Variants in LMF1 observed in about 807,000 individuals in gnomAD.
LMF1 encodes lipase maturation factor 1, also known as transmembrane protein 112.
In LMF1, 68 loss-of-function variants were observed where a neutral mutation model predicts 60.6. The observed-to-expected ratio is 1.12, with a 90% CI of 0.92 to 1.37. The LOEUF (loss-of-function observed/expected upper bound fraction) is 1.37. LMF1 is among the 40% of genes most tolerant of loss of function. LMF1 has a pLI of 0.00. For synonymous variants in LMF1, 418 were observed against 324.7 expected (o/e 1.29, Z -3.09); for missense variants, 948 against 767.2 (o/e 1.24, Z -2.78).
intron 3 of LMF1, among the ~76,000 whole-genome samples, chr16:922,105 G>A (rs145944927): frequency 2.2e-3 from 329 of 152,144 alleles, no homozygotes; most frequent in Non-Finnish European, 3.8e-3. Flanking sequence ...CAGCCAACAC[G>A]GGACAGAGGC....
At chr16:955,608 A>G (rs1244651807) in intron 1 of LMF1, among the ~76,000 whole-genome samples, 1 of 152,194 alleles carries the variant, frequency 6.6e-6, no homozygotes, top group Non-Finnish European at 1.5e-5. Context: ...CAGCAGACGC[A>G]GTGTGTGCAT....
chr16:912,227 C>T (rs1326673902), intron 3 of LMF1, among the ~76,000 whole-genome samples: 1 of 151,694 alleles, frequency 6.6e-6, no homozygotes, highest in Admixed American at 6.6e-5. Flanking sequence ...GACAGAGACT[C>T]GCAGGGGCAG....
intron 3 of LMF1, among the ~76,000 whole-genome samples, chr16:921,646 G>T (rs895529960): frequency 5.3e-5 from 8 of 152,340 alleles, no homozygotes; most frequent in Admixed American, 4.6e-4. Context: ...TTTATGGAGG[G>T]AAAGACGCAG....
intron 7 of LMF1, 76 bp downstream of exon 7, chr16:871,085 C>A: frequency 1.4e-6 from 2 of 1,460,166 alleles, no homozygotes; most frequent in Non-Finnish European, 1.8e-6. Context: ...CCCCAACCCA[C>A]ACGGGCAGGC....
chr16:914,438 G>A lies in LMF1; in HGVS notation c.515-3359C>T, dbSNP rs561152673. On this transcript the variant is annotated intron_variant, in intron 3 of 10. Transcript: ENST00000262301. ...TAGGGTCCACGAGAGAACGCACACC[G>A]CTGTGGGCCCTGAGCCCCGTGATCG... Among the ~76,000 whole-genome samples, 350 of 151,346 alleles carry A rather than the reference G, an allele frequency of 2.3e-3. 1 individual carries two copies. Among genetic ancestry groups the A allele is most frequent in the African/African-American group, 8.1e-3 (332 of 41,182 alleles).
intron 2 of LMF1, among the ~76,000 whole-genome samples, chr16:942,696 T>G (rs564573229): frequency 6.4e-5 from 9 of 140,604 alleles, no homozygotes; most frequent in Non-Finnish European, 1.1e-4. Context: ...CCTCTCTCTG[T>G]GGGGCTCCAA....
At chr16:916,839 C>T (rs923853846) in intron 3 of LMF1, among the ~76,000 whole-genome samples, 3 of 152,244 alleles carry the variant, frequency 2.0e-5, no homozygotes, top group African/African-American at 7.2e-5. Context: ...CAGGAACACC[C>T]CTCTCCTGGC....
At chr16:952,732 T>C (rs9933807) in intron 2 of LMF1, 38,012 of 105,278 alleles carry the variant, frequency 0.36, 8,419 homozygotes, top group African/African-American at 0.61. Flanking sequence ...AAGCTGGGCA[T>C]GCAAGAGCCA....
At chr16:898,262 G>A (rs956260677) in intron 4 of LMF1, among the ~76,000 whole-genome samples, 1 of 152,016 alleles carries the variant, frequency 6.6e-6, no homozygotes, top group African/African-American at 2.4e-5. Context: ...CTGCCTGGAA[G>A]TGAATTCCCA....
At chr16:868,831 A>C in intron 10 of LMF1, 113 bp downstream of exon 10, 1 of 548,928 alleles carries the variant, frequency 1.8e-6, no homozygotes, top group Non-Finnish European at 3.2e-6. Context: ...CCTCTGCGGG[A>C]GGGAAGGGGC....
chr16:960,167 C>A (rs2072793807), intron 1 of LMF1, among the ~76,000 whole-genome samples: 1 of 152,196 alleles, frequency 6.6e-6, no homozygotes, highest in Non-Finnish European at 1.5e-5. Flanking sequence ...AGGGCTGGGG[C>A]AGAGAAACAG....
intron 4 of LMF1, among the ~76,000 whole-genome samples, chr16:906,035 T>C (rs560199588): frequency 1.3e-5 from 2 of 152,334 alleles, no homozygotes; most frequent in East Asian, 3.9e-4. Context: ...TTGCAATCCA[T>C]CTCAAATTAA....
At chr16:931,554 G>A (rs865814746) in intron 3 of LMF1, 2 of 1,137,174 alleles carry the variant, frequency 1.8e-6, no homozygotes, top group Non-Finnish European at 2.3e-6. Context: ...CACAGGAAAG[G>A]AGCCTCCCCA....
At chr16:968,180 A>C (rs769766982) in intron 1 of LMF1, among the ~76,000 whole-genome samples, 1 of 152,202 alleles carries the variant, frequency 6.6e-6, no homozygotes, top group Non-Finnish European at 1.5e-5. Context: ...GGACGGATGC[A>C]AAGTCAGGTT....
chr16:979,228 G>A (rs542784648), intron 1 of LMF1: 123 of 384,416 alleles, frequency 3.2e-4, no homozygotes, highest in African/African-American at 1.1e-3. Context: ...ACCCGCGGAG[G>A]ACGAGGTCAT....
chr16:859,961 T>A (rs1336609627), intron 10 of LMF1, among the ~76,000 whole-genome samples: 1 of 130,286 alleles, frequency 7.7e-6, no homozygotes, highest in Non-Finnish European at 1.5e-5. Context: ...TGTGCAGTGA[T>A]GGTACCGGAT....
chr16:892,936 G>T, intron 5 of LMF1, 71 bp downstream of exon 5: 1 of 1,227,376 alleles, frequency 8.1e-7, no homozygotes, highest in Non-Finnish European at 1.1e-6. Context: ...GCAGGACTGA[G>T]CCCCGCCAAG....
intron 10 of LMF1, among the ~76,000 whole-genome samples, chr16:856,321 C>T (rs758658464): frequency 2.6e-5 from 4 of 152,174 alleles, no homozygotes; most frequent in Non-Finnish European, 5.9e-5. Flanking sequence ...TCACACTGGA[C>T]CCCGAGGTCG....
At chr16:871,112 C>G in intron 7 of LMF1, 49 bp downstream of exon 7, 1 of 1,498,606 alleles carries the variant, frequency 6.7e-7, no homozygotes, top group Non-Finnish European at 8.9e-7. Flanking sequence ...GCTGGCACCA[C>G]CCGACTTTCT....
Sources: gnomAD v4.1 joint callset for allele counts (sites outside exome capture counted in the v4.1 genomes callset) on GRCh38, gnomAD v4.1.1 for gene constraint, MANE v1.5 for transcripts, NCBI Gene and HGNC (gene_info 2026-07-23, HGNC 2026-07-21) for gene names.